The following PRAMEF15 variants were observed in gnomAD, a reference collection of about 807,000 sequenced individuals.
PRAMEF15 encodes the protein PRAME family member 15.
In PRAMEF15, 21 loss-of-function variants were observed where a neutral mutation model predicts 35.3. The ratio of observed to expected loss-of-function variants is 0.59; its 90% CI spans 0.42 to 0.86. The LOEUF (loss-of-function observed/expected upper bound fraction) is 0.86. Ranked by LOEUF, PRAMEF15 falls within the 40% of genes least tolerant of loss-of-function variation. The pLI is 0.00. For synonymous variants in PRAMEF15, 122 were observed against 223.3 expected (o/e 0.55, Z 4.05); for missense variants, 360 against 574.1 (o/e 0.63, Z 3.81).
chr1:13,320,949 G>A (rs1441868253), intron 3 of PRAMEF15, among the ~76,000 whole-genome samples: 1 of 152,210 alleles, frequency 6.6e-6, no homozygotes, highest in East Asian at 1.9e-4. Flanking sequence ...GGGTCAGGGA[G>A]CAGGCACAAA....
rs1485830650 is a variant in PRAMEF15, at chr1:13,321,773, C to A, written c.946C>A (p.Leu316Ile). The change falls in exon 4 of 4, where the codon CTA becomes ATA. Residue 316 changes from leucine to isoleucine, a missense_variant. By Grantham distance (5) the Leu-to-Ile change is conservative (BLOSUM62 2). This residue lies in a region of PRAMEF15 where 72 missense variants were observed against 79.9 expected (regional missense o/e 0.90). Coordinates refer to ENST00000376152, the MANE Select transcript of PRAMEF15 (RefSeq NM_001098376.3). Reference protein sequence around the residue: ...CVLLESDLKHLSQCPSISQLK... With the variant: ...CVLLESDLKHISQCPSISQLK... Reference sequence around the variant, plus strand: ...GCTTTTGGAATCAGACTTGAAGCATCTATCCCAGTGCCCGAGTATCAGTCA... The same window carrying A: ...GCTTTTGGAATCAGACTTGAAGCATATATCCCAGTGCCCGAGTATCAGTCA... 40 of 1,609,182 alleles carry A rather than the reference C, an allele frequency of 2.5e-5. No individual in the cohort carries two copies. The highest frequency in any genetic ancestry group is 2.4e-4 in the South Asian group (22 of 90,812).
chr1:13,317,824 G>C (rs1371943671), intron 1 of PRAMEF15, among the ~76,000 whole-genome samples: 1 of 149,798 alleles, frequency 6.7e-6, no homozygotes, highest in Non-Finnish European at 1.5e-5. Flanking sequence ...TGAGAGAAGG[G>C]AGGCAGGGAA....
chr1:13,319,033 C>A (rs1809726), intron 2 of PRAMEF15, among the ~76,000 whole-genome samples: 5,982 of 149,246 alleles, frequency 0.04, 170 homozygotes, highest in East Asian at 0.24. Flanking sequence ...AACTCTACTA[C>A]AAATACAAAA....
chr1:13,319,121 G>A (rs1640045828), intron 2 of PRAMEF15, among the ~76,000 whole-genome samples: 1 of 151,248 alleles, frequency 6.6e-6, no homozygotes, highest in African/African-American at 2.4e-5. Context: ...TTGAACCCGG[G>A]AAGCAGAGGT....
In PRAMEF15 at chr1:13,321,775, A is replaced by G; in HGVS notation, c.948A>G (p.Leu316=). 5.0e-6 allele frequency: 8 copies of G among 1,609,152 alleles called. No individual in the cohort carries two copies. Among genetic ancestry groups the G allele is most frequent in the Non-Finnish European group, 6.8e-6 (8 of 1,177,874 alleles). Residue 316 remains leucine, a synonymous_variant, in exon 4 of 4, where the codon CTA becomes CTG. Coordinates refer to ENST00000376152, the MANE Select transcript of PRAMEF15 (RefSeq NM_001098376.3). ...TTTTGGAATCAGACTTGAAGCATCT[A>G]TCCCAGTGCCCGAGTATCAGTCAAC... ...CVLLESDLKH[L]SQCPSISQLK... is the part of the protein sequence containing the mutation.
chr1:13,317,966 A>G (rs1640028486), intron 1 of PRAMEF15, among the ~76,000 whole-genome samples: 1 of 151,786 alleles, frequency 6.6e-6, no homozygotes, highest in African/African-American at 2.4e-5. Context: ...AACAAATAGA[A>G]CCTGTTCTAG....
At position 13,317,593 on chromosome 1, in the gene PRAMEF15, T is replaced by C. The variant is rs1640022923; in HGVS notation, c.-16-799T>C. Among the ~76,000 whole-genome samples the C allele has an allele frequency of 2.6e-5, 4 of 151,750 alleles. No homozygotes were observed. In the South Asian group the frequency reaches 8.3e-4, roughly 32 times the overall value. ...GACCAGCTTGGACAACATAGCGAAATCCACTGTCTTTACAAAAAGTCAAAA... is the reference window on the plus strand; with the variant it reads ...GACCAGCTTGGACAACATAGCGAAACCCACTGTCTTTACAAAAAGTCAAAA... On this transcript the variant is annotated intron_variant, in intron 1 of 3. Transcript: ENST00000376152.
chr1:13,320,717 C>A (rs1302351218), intron 3 of PRAMEF15, among the ~76,000 whole-genome samples: 3 of 152,206 alleles, frequency 2.0e-5, no homozygotes, highest in Admixed American at 6.5e-5. Flanking sequence ...AGCTACCACG[C>A]CCAGCCAACA....
At chr1:13,321,620 T>G (rs1167462287) in intron 3 of PRAMEF15, 83 bp from the exon 4 acceptor site, 1 of 1,339,786 alleles carries the variant, frequency 7.5e-7, no homozygotes. Context: ...AAGGTCTCCA[T>G]CCATTACCTT....
At chr1:13,316,517 G>A (rs1430437373) in intron 1 of PRAMEF15, among the ~76,000 whole-genome samples, 1,543 of 151,028 alleles carry the variant, frequency 0.01, 34 homozygotes, top group African/African-American at 0.036. Flanking sequence ...ACATGGCTGT[G>A]GGGGGTGCAT....
chr1:13,319,225 T>C (rs561493745), intron 2 of PRAMEF15, 147 bp from the exon 3 acceptor site: 9 of 1,356,168 alleles, frequency 6.6e-6, no homozygotes, highest in Non-Finnish European at 8.9e-6. Flanking sequence ...AATGTGGAAG[T>C]GGGCAGGATC....
Position 13,321,838 on chromosome 1 carries a change from T to C in PRAMEF15, c.1011T>C (p.Asn337=). Residue 337 remains asparagine, a synonymous_variant, in exon 4 of 4, where the codon AAT becomes AAC. Coordinates refer to ENST00000376152, the MANE Select transcript of PRAMEF15 (RefSeq NM_001098376.3). ...TLDLSGIRLT[N]YSLVPLQILL... ...ACCTGAGTGGCATCAGACTGACCAA[T>C]TATAGTCTTGTGCCTCTCCAAATTC... 3 of 1,607,650 alleles carry C rather than the reference T, an allele frequency of 1.9e-6. 1 individual carries two copies. The highest frequency in any genetic ancestry group is 1.7e-5 in the Admixed American group (1 of 59,712).
intron 1 of PRAMEF15, among the ~76,000 whole-genome samples, chr1:13,317,648 A>G (rs1385585059): frequency 6.6e-6 from 1 of 151,752 alleles, no homozygotes; most frequent in African/African-American, 2.4e-5. Context: ...GTGGTGATGC[A>G]TAACTGTGGT....
chr1:13,321,730 C>T lies in PRAMEF15; in HGVS notation c.903C>T (p.Leu301=). ...LSCLKTSLKV[L]TITNCVLLES... ...GTCTGAAGACCTCGTTAAAAGTCCT[C>T]ACAATAACTAACTGTGTGCTTTTGG... Residue 301 remains leucine, a synonymous_variant, in exon 4 of 4, where the codon CTC becomes CTT. Transcript: ENST00000376152. The T allele has an allele frequency of 6.2e-7, 1 of 1,608,330 alleles. No individual in the cohort carries two copies. Among genetic ancestry groups the T allele is most frequent in the Non-Finnish European group, 8.5e-7 (1 of 1,177,496 alleles).
At position 13,319,192 on chromosome 1, in the gene PRAMEF15, TC is replaced by T. The variant is rs1322757456; in HGVS notation, c.294-179del. Among the ~76,000 whole-genome samples the T allele has an allele frequency of 3.2e-5, 4 of 125,976 alleles. 1 individual carries two copies. The highest frequency in any genetic ancestry group is 3.0e-5 in the African/African-American group (1 of 33,058). The allele number at this position is 125,976 out of a possible 152,430, so 82.6% of individuals were successfully genotyped here. On this transcript the variant is annotated intron_variant, in intron 2 of 3. Transcript: ENST00000376152. ...CTGGGCGACACAGGGAGACTTGGTC[TC>T]AAAAAAAAAAAAAAACAAAACAATG... is the stretch of plus-strand genomic sequence containing the variant.
At chr1:13,317,123 G>T (rs1196557489) in intron 1 of PRAMEF15, among the ~76,000 whole-genome samples, 4 of 151,610 alleles carry the variant, frequency 2.6e-5, no homozygotes, top group African/African-American at 9.7e-5. Flanking sequence ...AGGCTGGAGT[G>T]GAGTGGTATA....
intron 3 of PRAMEF15, among the ~76,000 whole-genome samples, chr1:13,321,437 A>ACTC (rs1191216890): frequency 2.6e-5 from 4 of 151,364 alleles, no homozygotes; most frequent in African/African-American, 7.3e-5. Flanking sequence ...CTGGTCTCAA[A>ACTC]CTCCTGATCT....
chr1:13,320,553 G>A (rs1478906245), intron 3 of PRAMEF15, among the ~76,000 whole-genome samples: 1 of 151,998 alleles, frequency 6.6e-6, no homozygotes, highest in Non-Finnish European at 1.5e-5. Flanking sequence ...CCTCCTGAGT[G>A]CCTGGGATTA....
chr1:13,319,545 G>T lies in PRAMEF15; in HGVS notation c.467G>T (p.Trp156Leu). ...CCCTTGACTGTGTTCGTAGAACTTT[G>T]GCTCAAGAACAGGACTCTGGATGAA... ...RQPLTVFVEL[W>L]LKNRTLDEYL... is the part of the protein sequence containing the mutation. The change falls in exon 3 of 4, where the codon TGG becomes TTG. Residue 156 changes from tryptophan (W) to leucine (L), a missense_variant. Trp to Leu is a moderately conservative substitution (Grantham distance 61, BLOSUM62 -2). This residue lies in a region of PRAMEF15 where 36 missense variants were observed against 164.8 expected (regional missense o/e 0.22). Coordinates refer to ENST00000376152, the MANE Select transcript of PRAMEF15 (RefSeq NM_001098376.3). 1 of 1,613,910 alleles carries T rather than the reference G, an allele frequency of 6.2e-7. No homozygotes were observed. The highest frequency in any genetic ancestry group is 8.5e-7 in the Non-Finnish European group (1 of 1,179,860).
Sources: allele counts gnomAD v4.1 joint callset (sites outside exome capture counted in the v4.1 genomes callset), GRCh38; gene constraint gnomAD v4.1.1; regional missense constraint gnomAD v4.1.1; transcripts MANE v1.5; gene names NCBI Gene and HGNC (gene_info 2026-07-23, HGNC 2026-07-21).